Variants in CSPP1 observed in about 807,000 individuals in gnomAD.
The protein encoded by CSPP1 is centrosome and spindle pole-associated protein 1.
In CSPP1, 126 loss-of-function variants were observed where a neutral mutation model predicts 164.4. That is an observed-to-expected ratio of 0.77 (90% CI 0.66 to 0.89). CSPP1 has a LOEUF of 0.89. Ranked by LOEUF, CSPP1 falls within the 40% of genes least tolerant of loss-of-function variation. The pLI, the probability that CSPP1 is intolerant of heterozygous loss-of-function variation, is 0.00. For missense variants in CSPP1, 1,395 were observed against 1,449.8 expected (o/e 0.96, Z 0.61); for synonymous variants, 472 against 476.7 (o/e 0.99, Z 0.13).
intron 30 of CSPP1, 138 bp downstream of exon 30, chr8:67,193,740 TA>T: frequency 3.1e-6 from 2 of 636,562 alleles, no homozygotes; most frequent in Non-Finnish European, 5.1e-6. Flanking sequence ...CAAGACATAG[TA>T]ACTATTGAGC....
intron 3 of CSPP1, among the ~76,000 whole-genome samples, chr8:67,079,010 A>C (rs549748483): frequency 1.2e-3 from 176 of 152,204 alleles, no homozygotes; most frequent in Middle Eastern, 3.4e-3. Flanking sequence ...TGTCTTAGGA[A>C]TTATTCTTTG....
At chr8:67,082,936 T>C (rs1809516900) in intron 3 of CSPP1, among the ~76,000 whole-genome samples, 1 of 152,198 alleles carries the variant, frequency 6.6e-6, no homozygotes, top group African/African-American at 2.4e-5. Context: ...CCGTGTTCCT[T>C]AGCTCATTAA....
At chr8:67,186,026 A>G (rs1250872464) in intron 28 of CSPP1, among the ~76,000 whole-genome samples, 1 of 152,236 alleles carries the variant, frequency 6.6e-6, no homozygotes, top group Non-Finnish European at 1.5e-5. Context: ...AGCCAAGTTC[A>G]TTAATTATGT....
chr8:67,087,687 A>G (rs1224186185), intron 4 of CSPP1, among the ~76,000 whole-genome samples: 3 of 152,232 alleles, frequency 2.0e-5, no homozygotes, highest in South Asian at 2.1e-4. Context: ...GGGTCAGAGT[A>G]TCATTCTTTT....
chr8:67,130,734 T>A (rs769209522), intron 15 of CSPP1, among the ~76,000 whole-genome samples: 1 of 152,208 alleles, frequency 6.6e-6, no homozygotes, highest in Non-Finnish European at 1.5e-5. Context: ...ATGCTTATAA[T>A]CCCAGCACTT....
intron 1 of CSPP1, among the ~76,000 whole-genome samples, chr8:67,069,762 G>A (rs1806328827): frequency 6.6e-6 from 1 of 151,138 alleles, no homozygotes; most frequent in African/African-American, 2.4e-5. Context: ...TGGTTCAAGC[G>A]ATTCTCCTGC....
intron 27 of CSPP1, 28 bp from the exon 28 acceptor site, chr8:67,179,835 A>T: frequency 6.7e-7 from 1 of 1,500,318 alleles, no homozygotes; most frequent in Non-Finnish European, 9.2e-7. Context: ...AACTAATAAA[A>T]ATAGTCATTG....
In CSPP1 at chr8:67,064,464, T is replaced by C. The variant is rs2129538434; in HGVS notation, c.-85T>C. 1 of 1,613,852 alleles carries C rather than the reference T, an allele frequency of 6.2e-7. No individual in the cohort carries two copies. Among genetic ancestry groups the C allele is most frequent in the Non-Finnish European group, 8.5e-7 (1 of 1,179,854 alleles). On this transcript the variant is annotated 5_prime_UTR_variant, in exon 1 of 31. Transcript: ENST00000678616. ...TCCGCGACGATCCTCTAGAGCACTG[T>C]GTGTCTCCCCGGACGCGAGCCCGCT... is the stretch of plus-strand genomic sequence containing the variant.
intron 12 of CSPP1, chr8:67,115,252 A>G (rs1279283208): frequency 6.6e-6 from 1 of 152,292 alleles, no homozygotes; most frequent in South Asian, 2.1e-4. Flanking sequence ...AGTACATAAA[A>G]AGAATACTAC....
At chr8:67,117,780 G>A (rs557738967) in intron 13 of CSPP1, among the ~76,000 whole-genome samples, 1 of 152,204 alleles carries the variant, frequency 6.6e-6, no homozygotes, top group South Asian at 2.1e-4. Flanking sequence ...AGCCTTACAT[G>A]TGCTTTCTTT....
intron 28 of CSPP1, among the ~76,000 whole-genome samples, chr8:67,187,687 AAAAG>A (rs1275945107): frequency 6.6e-6 from 1 of 152,154 alleles, no homozygotes; most frequent in Non-Finnish European, 1.5e-5. Context: ...TTGTCTCAAA[AAAAG>A]AAAGAAATAG....
intron 28 of CSPP1, among the ~76,000 whole-genome samples, chr8:67,180,410 A>G (rs1832731330): frequency 6.6e-6 from 1 of 152,212 alleles, no homozygotes; most frequent in Non-Finnish European, 1.5e-5. Context: ...TTGAGAACAG[A>G]TTAGTGGTTG....
chr8:67,181,601 T>A (rs762345634), intron 28 of CSPP1, among the ~76,000 whole-genome samples: 1 of 152,152 alleles, frequency 6.6e-6, no homozygotes, highest in Non-Finnish European at 1.5e-5. Context: ...ATGGCTGTGT[T>A]AACCACTGCT....
At chr8:67,168,584 T>C (rs1829931665) in intron 24 of CSPP1, among the ~76,000 whole-genome samples, 1 of 152,234 alleles carries the variant, frequency 6.6e-6, no homozygotes, top group Non-Finnish European at 1.5e-5. Context: ...ACTTAAGTTA[T>C]AAAACATGTT....
intron 1 of CSPP1, among the ~76,000 whole-genome samples, chr8:67,072,421 T>A (rs975481732): frequency 2.0e-5 from 3 of 152,286 alleles, no homozygotes; most frequent in East Asian, 1.9e-4. Context: ...AACCACAGAT[T>A]GGCAGAAAAT....
At chr8:67,134,616 G>GCA (rs1563645739) in intron 16 of CSPP1, 2 of 144,380 alleles carry the variant, frequency 1.4e-5, no homozygotes, top group African/African-American at 2.6e-5. Flanking sequence ...CTGGAGTGCA[G>GCA]TGGTGCGATC....
chr8:67,154,004 T>G lies in CSPP1; in HGVS notation c.2129-20T>G. ...TAAGCATTGGCTAATAGTATGTTTTTGCAAAATATTTCTTTCAAGGTCATA... is the reference window on the plus strand; with the variant it reads ...TAAGCATTGGCTAATAGTATGTTTTGGCAAAATATTTCTTTCAAGGTCATA... On this transcript the variant is annotated intron_variant, in intron 18 of 30. Transcript: ENST00000678616. 7.8e-7 allele frequency: 1 copy of G among 1,281,738 alleles called. No individual in the cohort carries two copies. The highest frequency in any genetic ancestry group is 1.1e-6 in the Non-Finnish European group (1 of 881,848). 79.4% of individuals were successfully genotyped at this position (1,281,738 alleles called of 1,614,324 possible).
intron 27 of CSPP1, 47 bp from the exon 28 acceptor site, chr8:67,179,816 T>C: frequency 7.4e-7 from 1 of 1,342,850 alleles, no homozygotes; most frequent in Non-Finnish European, 1.1e-6. Context: ...TTGTTGTTTT[T>C]GTACACAAAA....
Position 67,103,142 on chromosome 8 carries a change from TATGTA to T in CSPP1, c.1022+10_1022+14del, listed in dbSNP as rs777458852. ...CATCTGCTGAAAATAAAAGGTACAGTATGTAATATAAATTCTCTGCTTTAGTCATT... is the reference window on the plus strand; with the variant it reads ...CATCTGCTGAAAATAAAAGGTACAGTATATAAATTCTCTGCTTTAGTCATT... On this transcript the variant is annotated splice_region_variant and intron_variant, in intron 8 of 30. Coordinates refer to ENST00000678616, the MANE Select transcript of CSPP1 (RefSeq NM_001382391.1). The T allele has an allele frequency of 6.6e-7, 1 of 1,510,204 alleles. No homozygotes were observed. Among genetic ancestry groups the T allele is most frequent in the East Asian group, 2.3e-5 (1 of 44,214 alleles). 93.6% of individuals were successfully genotyped at this position (1,510,204 alleles called of 1,614,324 possible).
Sources: allele counts gnomAD v4.1 joint callset (sites outside exome capture counted in the v4.1 genomes callset), GRCh38; gene constraint gnomAD v4.1.1; transcripts MANE v1.5; gene names NCBI Gene and HGNC (gene_info 2026-07-23, HGNC 2026-07-21).